The following NINL variants were observed in gnomAD, a reference collection of about 807,000 sequenced individuals.
NINL encodes the protein ninein-like protein.
A neutral mutation model predicts 160.3 loss-of-function variants in NINL; 153 were observed. The observed-to-expected ratio is 0.95, with a 90% CI of 0.84 to 1.09. The LOEUF (loss-of-function observed/expected upper bound fraction) is 1.09. Ranked by LOEUF, NINL falls within the 50% of genes least tolerant of loss-of-function variation. The probability of loss-of-function intolerance (pLI) is 0.00; values close to 1 mark genes in which losing one functional copy is unlikely to be tolerated. For missense variants in NINL, 1,829 were observed against 1,764.0 expected (o/e 1.04, Z -0.66); for synonymous variants, 800 against 734.8 (o/e 1.09, Z -1.43).
At chr20:25,526,630 A>T (rs2064366682) in intron 1 of NINL, 32 bp from the exon 2 acceptor site, 1 of 1,590,944 alleles carries the variant, frequency 6.3e-7, no homozygotes. Context: ...AGAAAACATC[A>T]GGACACTTTC....
At position 25,528,680 on chromosome 20, in the gene NINL, C is replaced by T. The variant is rs2064399215; in HGVS notation, c.-11-2082G>A. On this transcript the variant is annotated intron_variant, in intron 1 of 23. Coordinates refer to ENST00000278886, the MANE Select transcript of NINL (RefSeq NM_025176.6). ...CTAAAACACAAAAAACATTAAAGCC[C>T]TAAAGATATTCAGATAAACCACATA... Among the ~76,000 whole-genome samples, 3 of 151,944 alleles carry T rather than the reference C, an allele frequency of 2.0e-5. No individual in the cohort carries two copies. The South Asian group carries it at 6.2e-4, about 32-fold the overall frequency.
chr20:25,521,341 C>G (rs1176268547), intron 2 of NINL, among the ~76,000 whole-genome samples: 1 of 152,134 alleles, frequency 6.6e-6, no homozygotes, highest in East Asian at 1.9e-4. Flanking sequence ...ATTTTTTAAG[C>G]TCTAAAAAAA....
rs765743737 is a variant in NINL, at chr20:25,462,367, G to A, written c.3582+16C>T. ...CCCAGCCTCCAGCTCAGCTCCCTGC[G>A]GCTGAGGCCACCCACCTGCTGCTGC... On this transcript the variant is annotated intron_variant, in intron 20 of 23. Coordinates refer to ENST00000278886, the MANE Select transcript of NINL (RefSeq NM_025176.6). 11 of 1,611,248 alleles carry A rather than the reference G, an allele frequency of 6.8e-6. No homozygotes were observed. Among genetic ancestry groups the A allele is most frequent in the South Asian group, 6.6e-5 (6 of 90,728 alleles).
chr20:25,462,352 A>T lies in NINL; in HGVS notation c.3582+31T>A, dbSNP rs769644845. Reference sequence around the variant, plus strand: ...TCCCCACCCTGAGCTCCCAGCCTCCAGCTCAGCTCCCTGCGGCTGAGGCCA... The same window carrying T: ...TCCCCACCCTGAGCTCCCAGCCTCCTGCTCAGCTCCCTGCGGCTGAGGCCA... On this transcript the variant is annotated intron_variant, in intron 20 of 23. Coordinates refer to ENST00000278886, the MANE Select transcript of NINL (RefSeq NM_025176.6). 2.3e-5 allele frequency: 26 copies of T among 1,147,784 alleles called. No individual in the cohort carries two copies. The African/African-American group carries it at 6.3e-4, about 28-fold the overall frequency. 71.1% of individuals were successfully genotyped at this position (1,147,784 alleles called of 1,614,324 possible). A position where few individuals can be genotyped will look rare whatever the true frequency, so the allele number is the denominator to read the frequency against.
At chr20:25,539,263 G>A (rs537766699) in intron 1 of NINL, among the ~76,000 whole-genome samples, 4 of 152,322 alleles carry the variant, frequency 2.6e-5, no homozygotes, top group East Asian at 1.9e-4. Context: ...TCACAGCAGC[G>A]GGATCTTCCT....
chr20:25,537,423 C>T (rs995373348), intron 1 of NINL, among the ~76,000 whole-genome samples: 4 of 152,294 alleles, frequency 2.6e-5, no homozygotes, highest in African/African-American at 4.8e-5. Context: ...TGTTATTTGA[C>T]GAAACAAAAA....
At chr20:25,563,049 C>T (rs904998165) in intron 1 of NINL, among the ~76,000 whole-genome samples, 8 of 152,120 alleles carry the variant, frequency 5.3e-5, no homozygotes, top group Admixed American at 3.9e-4. Flanking sequence ...GCCTGTAGTC[C>T]CAGCTACTTA....
chr20:25,512,828 A>T lies in NINL; in HGVS notation c.450+6T>A. On this transcript the variant is annotated splice_donor_region_variant and intron_variant, in intron 4 of 23. Transcript: ENST00000278886. ...GCAGCTGGGGTGGGAGAGGGGCCTG[A>T]CCCACCTCCACGCTCTCCAGAGACG... The T allele has an allele frequency of 1.9e-6, 3 of 1,605,308 alleles. No homozygotes were observed. The highest frequency in any genetic ancestry group is 2.6e-6 in the Non-Finnish European group (3 of 1,174,872).
intron 1 of NINL, among the ~76,000 whole-genome samples, chr20:25,538,030 C>T (rs2147035662): frequency 6.6e-6 from 1 of 152,304 alleles, no homozygotes; most frequent in Middle Eastern, 3.4e-3. Flanking sequence ...GGGGACTCTC[C>T]TGGGGTTGGA....
At chr20:25,507,211 C>T (rs775840988) in intron 5 of NINL, among the ~76,000 whole-genome samples, 1 of 151,940 alleles carries the variant, frequency 6.6e-6, no homozygotes, top group Non-Finnish European at 1.5e-5. Context: ...TTCCTGAAAA[C>T]CTGAGTTAGC....
chr20:25,464,056 A>G (rs2146349309), intron 19 of NINL, among the ~76,000 whole-genome samples: 1 of 152,348 alleles, frequency 6.6e-6, no homozygotes, highest in Non-Finnish European at 1.5e-5. Flanking sequence ...TAGAAATGGA[A>G]TCTTCCTTCA....
intron 1 of NINL, among the ~76,000 whole-genome samples, chr20:25,527,520 T>C (rs1330709902): frequency 6.6e-6 from 1 of 152,004 alleles, no homozygotes; most frequent in Admixed American, 6.6e-5. Context: ...TGTTTTTTTT[T>C]CAAATAATAG....
rs755563320 is a variant in NINL, at chr20:25,461,613, C to G, written c.3605G>C (p.Arg1202Thr). ...CTGATTCAGGCATTCAAGTTCAACT[C>G]TAAGTTTTTGGATTTGGTCACTCTG... ...QQQSDQIQKL[R>T]VELECLNQEH... is the part of the protein sequence containing the mutation. The change falls in exon 21 of 24, where the codon AGA becomes ACA. Residue 1202 changes from arginine (R) to threonine (T), a missense_variant. Coordinates refer to ENST00000278886, the MANE Select transcript of NINL (RefSeq NM_025176.6). 6.2e-7 allele frequency: 1 copy of G among 1,612,992 alleles called. No individual in the cohort carries two copies. Among genetic ancestry groups the G allele is most frequent in the South Asian group, 1.1e-5 (1 of 90,894 alleles).
Position 25,453,524 on chromosome 20 carries a change from C to T in NINL, c.4076G>A (p.Arg1359His), listed in dbSNP as rs1050112330. The T allele has an allele frequency of 5.0e-6, 8 of 1,613,944 alleles. No individual in the cohort carries two copies. Among genetic ancestry groups the T allele is most frequent in the South Asian group, 1.1e-5 (1 of 91,066 alleles). The change falls in exon 24 of 24, where the codon CGC becomes CAC. Residue 1359 changes from arginine (R) to histidine (H), a missense_variant. Coordinates refer to ENST00000278886, the MANE Select transcript of NINL (RefSeq NM_025176.6). ...EKQRGAEKQSRLLEEKVRALN... is the reference protein window; with the variant it reads ...EKQRGAEKQSHLLEEKVRALN... The stretch of plus-strand genomic sequence containing the variant: ...AGCGCGAACTTTTTCTTCCAAGAGG[C>T]GGCTTTGTTTCTCGGCGCCTCGCTG...
intron 17 of NINL, 118 bp from the exon 18 acceptor site, chr20:25,470,213 G>T: frequency 1.3e-6 from 1 of 748,908 alleles, no homozygotes; most frequent in Non-Finnish European, 2.3e-6. Flanking sequence ...CGTCCCTGGA[G>T]GTGGCGCCAG....
intron 16 of NINL, 114 bp from the exon 17 acceptor site, chr20:25,477,203 T>C: frequency 2.0e-6 from 2 of 995,122 alleles, no homozygotes; most frequent in East Asian, 5.3e-5. Context: ...TGGTTGGCTT[T>C]CTTTATCCCT....
intron 1 of NINL, among the ~76,000 whole-genome samples, chr20:25,545,392 A>G (rs138788914): frequency 3.3e-4 from 50 of 152,318 alleles, no homozygotes; most frequent in African/African-American, 1.1e-3. Flanking sequence ...AGCCAGACTT[A>G]GACTGTAGAC....
chr20:25,488,978 A>G (rs2063561572), intron 13 of NINL: 3 of 479,544 alleles, frequency 6.3e-6, no homozygotes, highest in Non-Finnish European at 7.6e-6. Context: ...CACGCATGGC[A>G]GGTTTGGCCC....
intron 7 of NINL, 34 bp from the exon 8 acceptor site, chr20:25,501,044 G>A (rs757706624): frequency 2.5e-6 from 4 of 1,602,802 alleles, no homozygotes; most frequent in South Asian, 2.3e-5. Flanking sequence ...AGCGCCCAGC[G>A]TCCAAAGCCT....
Sources: gnomAD v4.1 joint callset for allele counts (sites outside exome capture counted in the v4.1 genomes callset) on GRCh38, gnomAD v4.1.1 for gene constraint, MANE v1.5 for transcripts, NCBI Gene and HGNC (gene_info 2026-07-23, HGNC 2026-07-21) for gene names.